The following MAP2 variants were observed in gnomAD, a reference collection of about 807,000 sequenced individuals.
The protein encoded by MAP2 is microtubule-associated protein 2.
A neutral mutation model predicts 137.6 loss-of-function variants in MAP2; 14 were observed. That is an observed-to-expected ratio of 0.10 (90% CI 0.07 to 0.16). MAP2 has a LOEUF of 0.16. Among genes scored for constraint, MAP2 ranks in the 10% least tolerant of loss-of-function variants. The pLI is 1.00. For missense variants in MAP2, 2,088 were observed against 2,191.5 expected (o/e 0.95, Z 0.94); for synonymous variants, 786 against 782.3 (o/e 1.00, Z -0.08).
intron 2 of MAP2, among the ~76,000 whole-genome samples, chr2:209,564,041 A>G (rs2072811696): frequency 6.6e-6 from 1 of 152,220 alleles, no homozygotes; most frequent in African/African-American, 2.4e-5. Context: ...TCAATGTGAA[A>G]TGAAGGTCAG....
At chr2:209,571,876 T>C (rs570529546) in intron 2 of MAP2, among the ~76,000 whole-genome samples, 2 of 152,058 alleles carry the variant, frequency 1.3e-5, no homozygotes, top group African/African-American at 2.4e-5. Context: ...TGTCTTTCTT[T>C]CTCTCTCTCC....
chr2:209,544,578 A>C (rs771882902), intron 2 of MAP2, among the ~76,000 whole-genome samples: 8 of 152,226 alleles, frequency 5.3e-5, no homozygotes, highest in Non-Finnish European at 1.2e-4. Flanking sequence ...AACCTTGAGC[A>C]AGTCATTTTA....
At chr2:209,607,581 C>T (rs1383103112) in intron 3 of MAP2, among the ~76,000 whole-genome samples, 1 of 152,222 alleles carries the variant, frequency 6.6e-6, no homozygotes, top group South Asian at 2.1e-4. Flanking sequence ...ATTACAGGCA[C>T]CTGCCAACAC....
At chr2:209,525,562 C>T (rs917908302) in intron 2 of MAP2, among the ~76,000 whole-genome samples, 1 of 152,018 alleles carries the variant, frequency 6.6e-6, no homozygotes, top group Non-Finnish European at 1.5e-5. Context: ...ACTAAGCCTT[C>T]GAGTGGCCTT....
chr2:209,611,014 A>C (rs2086662551), intron 3 of MAP2, among the ~76,000 whole-genome samples: 1 of 152,216 alleles, frequency 6.6e-6, no homozygotes, highest in Non-Finnish European at 1.5e-5. Context: ...CACACAAAAA[A>C]GTTAAAAACT....
chr2:209,473,432 G>A (rs906383721), intron 1 of MAP2, among the ~76,000 whole-genome samples: 1 of 152,060 alleles, frequency 6.6e-6, no homozygotes, highest in Non-Finnish European at 1.5e-5. Flanking sequence ...AAGGTCTTGA[G>A]GGTGAAGAGT....
chr2:209,633,627 T>A (rs1297135025), intron 4 of MAP2, among the ~76,000 whole-genome samples: 1 of 152,096 alleles, frequency 6.6e-6, no homozygotes, highest in Non-Finnish European at 1.5e-5. Context: ...CTGTTTGTCA[T>A]CCTTTCGTGT....
intron 2 of MAP2, among the ~76,000 whole-genome samples, chr2:209,556,006 C>A (rs898009247): frequency 2.3e-4 from 32 of 142,166 alleles, no homozygotes; most frequent in East Asian, 4.2e-4. Context: ...AAGAGAAAAT[C>A]ATTTTCAGGC....
At chr2:209,502,275 A>G (rs2060474739) in intron 1 of MAP2, among the ~76,000 whole-genome samples, 1 of 152,094 alleles carries the variant, frequency 6.6e-6, no homozygotes, top group Non-Finnish European at 1.5e-5. Flanking sequence ...CCTCCAGATA[A>G]CCACCATTCT....
At chr2:209,487,962 G>C (rs1031495543) in intron 1 of MAP2, among the ~76,000 whole-genome samples, 3 of 152,218 alleles carry the variant, frequency 2.0e-5, no homozygotes, top group Admixed American at 6.5e-5. Context: ...ATGACAACAA[G>C]TTTCTTTAAA....
chr2:209,654,985 A>G (rs776236510), intron 5 of MAP2, among the ~76,000 whole-genome samples: 6 of 152,190 alleles, frequency 3.9e-5, no homozygotes, highest in Non-Finnish European at 4.4e-5. Flanking sequence ...CTTGTAATAC[A>G]CAAAAAAAAA....
At chr2:209,597,625 A>G (rs1439937767) in intron 3 of MAP2, among the ~76,000 whole-genome samples, 1 of 152,226 alleles carries the variant, frequency 6.6e-6, no homozygotes, top group Non-Finnish European at 1.5e-5. Flanking sequence ...TTCCCATAGC[A>G]TTCACCCTAA....
chr2:209,676,719 TCATATATATA>T (rs2051730147), intron 5 of MAP2, among the ~76,000 whole-genome samples: 1 of 61,678 alleles, frequency 1.6e-5, no homozygotes, highest in Non-Finnish European at 2.9e-5. Context: ...GACACAAAGG[TCATATATATA>T]TATATATATA....
At chr2:209,529,121 C>G (rs1296768026) in intron 2 of MAP2, among the ~76,000 whole-genome samples, 1 of 151,828 alleles carries the variant, frequency 6.6e-6, no homozygotes, top group African/African-American at 2.4e-5. Context: ...CACATTAGAA[C>G]TGACAAGGAT....
intron 2 of MAP2, among the ~76,000 whole-genome samples, chr2:209,517,374 T>G (rs2062664886): frequency 1.3e-5 from 2 of 152,154 alleles, no homozygotes; most frequent in Non-Finnish European, 2.9e-5. Context: ...AAGTACTTCA[T>G]TAATTAACAA....
chr2:209,684,125 C>T (rs1376721833), intron 7 of MAP2, among the ~76,000 whole-genome samples: 5 of 152,072 alleles, frequency 3.3e-5, no homozygotes, highest in Non-Finnish European at 5.9e-5. Context: ...TCAAATTAAC[C>T]TCCTTTTTCT....
At chr2:209,464,736 TTATC>T (rs1243617710) in intron 1 of MAP2, among the ~76,000 whole-genome samples, 4 of 152,118 alleles carry the variant, frequency 2.6e-5, no homozygotes, top group African/African-American at 9.7e-5. Context: ...AAATAACTGT[TTATC>T]TAGTTATAAG....
rs1436238842 is a variant in MAP2, at chr2:209,479,143, G to A, written c.-221-28449G>A. On this transcript the variant is annotated intron_variant, in intron 1 of 15. Transcript: ENST00000682079. ...TCCAGAGTTGGACTTCAGTAAACAT[G>A]GAGTATTTTCTACCATGGAAAATAC... is the stretch of plus-strand genomic sequence containing the variant. 2.6e-5 allele frequency among the ~76,000 whole-genome samples: 4 copies of A among 151,972 alleles called. No individual in the cohort carries two copies. The East Asian group carries it at 7.7e-4, about 29-fold the overall frequency.
intron 4 of MAP2, among the ~76,000 whole-genome samples, chr2:209,641,670 T>C (rs1350030399): frequency 6.6e-6 from 1 of 151,010 alleles, no homozygotes; most frequent in Non-Finnish European, 1.5e-5. Context: ...ATTCCTTAAT[T>C]AAATATCACT....
Sources: gnomAD v4.1 joint callset for allele counts (sites outside exome capture counted in the v4.1 genomes callset) on GRCh38, gnomAD v4.1.1 for gene constraint, MANE v1.5 for transcripts, NCBI Gene and HGNC (gene_info 2026-07-23, HGNC 2026-07-21) for gene names.